The following FDXR variants were observed in gnomAD, a reference collection of about 807,000 sequenced individuals.
FDXR encodes NADPH:adrenodoxin oxidoreductase, mitochondrial.
FDXR carries 38 observed loss-of-function variants against 58.3 expected under a neutral mutation model. That is an observed-to-expected ratio of 0.65 (90% CI 0.50 to 0.85). The LOEUF (loss-of-function observed/expected upper bound fraction) is 0.85, where lower values mean the gene tolerates loss of function less well. Among genes scored for constraint, FDXR ranks in the 40% least tolerant of loss-of-function variants. FDXR has a pLI of 0.00. For synonymous variants in FDXR, 275 were observed against 273.8 expected, an observed-to-expected ratio of 1.00 and a Z score of -0.04; for missense variants, 624 against 671.0, an observed-to-expected ratio of 0.93 and a Z score of 0.77.
intron 7 of FDXR, 104 bp from the exon 8 acceptor site, chr17:74,864,668 C>T (rs1043814399): frequency 7.1e-6 from 10 of 1,414,452 alleles, no homozygotes; most frequent in African/African-American, 1.4e-5. Context: ...CACCACCCGC[C>T]TCCTCCCCAA....
At position 74,863,876 on chromosome 17, in the gene FDXR, G is replaced by A. The variant is rs778578718; in HGVS notation, c.1174+20C>T. On this transcript the variant is annotated intron_variant, in intron 10 of 11. Coordinates refer to ENST00000293195, the MANE Select transcript of FDXR (RefSeq NM_024417.5). Reference sequence around the variant, plus strand: ...GCCTCTCACCATAATTCAGCACCCAGCCTCCTCACACCCTCTCACCTGGCA... The same window carrying A: ...GCCTCTCACCATAATTCAGCACCCAACCTCCTCACACCCTCTCACCTGGCA... 43 of 1,602,530 alleles carry A rather than the reference G, an allele frequency of 2.7e-5. No individual in the cohort carries two copies. The highest frequency in any genetic ancestry group is 3.4e-5 in the Non-Finnish European group (40 of 1,172,822).
chr17:74,866,425 C>A (rs1278792312), intron 4 of FDXR, 21 bp downstream of exon 4: 2 of 1,611,592 alleles, frequency 1.2e-6, no homozygotes, highest in Non-Finnish European at 1.7e-6. Flanking sequence ...CCTCCCCAAG[C>A]CAGGGCCTAG....
In FDXR at chr17:74,863,932, T is replaced by C. The variant is rs1042832114; in HGVS notation, c.1138A>G (p.Ile380Val). Residue 380 changes from isoleucine (I) to valine (V), a missense_variant, in exon 10 of 12, where the codon ATC becomes GTC. Ile to Val is a conservative substitution (Grantham distance 29). Transcript: ENST00000293195. ...ATAACCCGGCCCTCCACATTGGGGA[T>C]GACCCCAAGCTTGGAGTCAAAGGGC... ...SVPFDSKLGV[I>V]PNVEGRVMDV... 1.2e-6 allele frequency: 2 copies of C among 1,613,874 alleles called. No homozygotes were observed. Among genetic ancestry groups the C allele is most frequent in the African/African-American group, 2.7e-5 (2 of 74,914 alleles).
At chr17:74,872,456 C>T in intron 1 of FDXR, 1 of 659,372 alleles carries the variant, frequency 1.5e-6, no homozygotes, top group Non-Finnish European at 2.6e-6. Flanking sequence ...ATCCCAATCT[C>T]GCCCCCGTGG....
At chr17:74,871,971 CG>C in intron 2 of FDXR, 64 bp downstream of exon 2, 13 of 1,294,196 alleles carry the variant, frequency 1.0e-5, no homozygotes, top group Non-Finnish European at 1.4e-5. Context: ...AAACCCAAAG[CG>C]GGTGAGGCTT....
In FDXR at chr17:74,865,964, C is replaced by T. The variant is rs565284724; in HGVS notation, c.508-144G>A. The T allele has an allele frequency of 1.8e-5, 15 of 851,902 alleles. 1 individual carries two copies. Among genetic ancestry groups the T allele is most frequent in the South Asian group, 3.2e-5 (2 of 62,470 alleles). The allele number at this position is 851,902 out of a possible 1,614,324, so 52.8% of individuals were successfully genotyped here. ...TCCACAACTCTGGTCCCTCCTCCCC[C>T]ACCTGGACCCAGCTCTCCCCCGAGG... On this transcript the variant is annotated intron_variant, in intron 5 of 11. Coordinates refer to ENST00000293195, the MANE Select transcript of FDXR (RefSeq NM_024417.5).
intron 6 of FDXR, 98 bp from the exon 7 acceptor site, chr17:74,865,029 G>A: frequency 1.3e-6 from 2 of 1,572,588 alleles, no homozygotes; most frequent in Middle Eastern, 1.7e-4. Context: ...GAGAAGGCTG[G>A]CGGCTCAAAA....
rs550813789 is a variant in FDXR at position 74,864,032 on chromosome 17, T to C, written c.1038A>G (p.Gly346=). Reference sequence around the variant, plus strand: ...GCCCACAAGGGAGGTCTTCCATGTCTCCCGTGGGCACTGCACGGGTGGCCT... The same window carrying C: ...GCCCACAAGGGAGGTCTTCCATGTCCCCCGTGGGCACTGCACGGGTGGCCT... ...VDEATRAVPT[G]DMEDLPCGLV... The change falls in exon 10 of 12, where the codon GGA becomes GGG. Residue 346 remains glycine (G), a synonymous_variant. Coordinates refer to ENST00000293195, the MANE Select transcript of FDXR (RefSeq NM_024417.5). 1 of 1,613,948 alleles carries C rather than the reference T, an allele frequency of 6.2e-7. No individual in the cohort carries two copies. The highest frequency in any genetic ancestry group is 2.2e-5 in the East Asian group (1 of 44,874).
chr17:74,868,007 C>T (rs921515798), intron 2 of FDXR, among the ~76,000 whole-genome samples: 1 of 152,050 alleles, frequency 6.6e-6, no homozygotes, highest in African/African-American at 2.4e-5. Flanking sequence ...ACACCTCCAG[C>T]TTCACTGGGA....
At chr17:74,864,385 G>A (rs1192455688) in intron 8 of FDXR, 38 bp from the exon 9 acceptor site, 2 of 1,592,506 alleles carry the variant, frequency 1.3e-6, no homozygotes, top group Non-Finnish European at 1.7e-6. Context: ...CTGTCCCTGG[G>A]CCCCGGCCCT....
At position 74,866,962 on chromosome 17, in the gene FDXR, G is replaced by A; in HGVS notation, c.178-86C>T. 1 of 1,556,214 alleles carries A rather than the reference G, an allele frequency of 6.4e-7. No individual in the cohort carries two copies. The highest frequency in any genetic ancestry group is 8.7e-7 in the Non-Finnish European group (1 of 1,149,694). On this transcript the variant is annotated intron_variant, in intron 2 of 11. Transcript: ENST00000293195. ...GTCCTCCCCTTCCCCAGACAGAGCA[G>A]GAGAGTTCAGGACCCTGGGCTGAGA...
intron 5 of FDXR, 75 bp from the exon 6 acceptor site, chr17:74,865,895 G>A: frequency 8.2e-7 from 1 of 1,213,942 alleles, no homozygotes; most frequent in Non-Finnish European, 1.2e-6. Context: ...GGTGCCTCAT[G>A]CCTGGTCCCC....
rs574914412 is a variant in FDXR, at chr17:74,868,741, A to G, written c.178-1865T>C. 21 of 1,501,846 alleles carry G rather than the reference A, an allele frequency of 1.4e-5. No homozygotes were observed. The South Asian group carries it at 2.7e-4, about 19-fold the overall frequency. 93.0% of individuals were successfully genotyped at this position (1,501,846 alleles called of 1,614,324 possible). ...GTCCCTCTAGCTGCTCCCCGCTAAC[A>G]AGGACATTCTCTGAGGTTCTTCCGA... On this transcript the variant is annotated intron_variant, in intron 2 of 11. Transcript: ENST00000293195.
intron 2 of FDXR, chr17:74,868,540 C>T: frequency 2.0e-6 from 3 of 1,526,698 alleles, no homozygotes; most frequent in Non-Finnish European, 2.6e-6. Context: ...CCTCACCCAA[C>T]CAACCTCTCT....
At chr17:74,866,011 C>A in intron 5 of FDXR, 120 bp downstream of exon 5, 2 of 921,090 alleles carry the variant, frequency 2.2e-6, no homozygotes, top group South Asian at 1.5e-5. Flanking sequence ...TGGCCTCCCG[C>A]CTCAGTCAGC....
rs200936845 is a variant in FDXR at position 74,866,223 on chromosome 17, G to A, written c.415C>T (p.Arg139Trp). 27 of 1,613,878 alleles carry A rather than the reference G, an allele frequency of 1.7e-5. No homozygotes were observed. The highest frequency in any genetic ancestry group is 5.3e-5 in the African/African-American group (4 of 75,026). ...VVLSYGAEDH[R>W]ALEIPGEELP... ...TCCTCACCAGGAATTTCCAGGGCCC[G>A]ATGGTCCTCTGCCCCGTAGCTCTGA... is the stretch of plus-strand genomic sequence containing the variant. Residue 139 changes from arginine to tryptophan, a missense_variant, in exon 5 of 12, where the codon CGG (arginine) becomes TGG (tryptophan). Arg to Trp is a moderately radical substitution (Grantham distance 101). Transcript: ENST00000293195.
Position 74,863,230 on chromosome 17 carries a change from G to C in FDXR, c.1191C>G (p.Gly397=). Residue 397 remains glycine (G), a synonymous_variant, in exon 11 of 12, where the codon GGC becomes GGG. Transcript: ENST00000293195. ...CACCTGTAGGTCCTCTCTTCACCCA[G>C]CCGCTGCAGTAGAGGCCTGAGAGGG... ...VMDVPGLYCS[G]WVKRGPTGVI... 6 of 1,612,988 alleles carry C rather than the reference G, an allele frequency of 3.7e-6. No homozygotes were observed. Among genetic ancestry groups the C allele is most frequent in the Non-Finnish European group, 5.1e-6 (6 of 1,179,668 alleles).
intron 6 of FDXR, 29 bp from the exon 7 acceptor site, chr17:74,864,960 TCAGA>T: frequency 6.2e-7 from 1 of 1,613,896 alleles, no homozygotes; most frequent in Non-Finnish European, 8.5e-7. Flanking sequence ...CTTGGAGTCA[TCAGA>T]CACTGACCGA....
chr17:74,867,140 C>T, intron 2 of FDXR: 1 of 627,716 alleles, frequency 1.6e-6, no homozygotes, highest in South Asian at 2.3e-5. Flanking sequence ...AACCCTGTCT[C>T]TACTAAAAAT....
Sources: allele counts gnomAD v4.1 joint callset (sites outside exome capture counted in the v4.1 genomes callset), GRCh38; gene constraint gnomAD v4.1.1; transcripts MANE v1.5; gene names NCBI Gene and HGNC (gene_info 2026-07-23, HGNC 2026-07-21).